Variants in LHFPL5 observed in about 807,000 individuals in gnomAD.
LHFPL5 encodes the protein LHFPL tetraspan subfamily member 5, also known as LHFPL tetraspan subfamily member 5 protein.
In LHFPL5, 12 loss-of-function variants were observed where a neutral mutation model predicts 18.7. The ratio of observed to expected loss-of-function variants is 0.64; its 90% CI spans 0.41 to 1.04. The LOEUF (loss-of-function observed/expected upper bound fraction) is 1.04, where lower values mean the gene tolerates loss of function less well. Among genes scored for constraint, LHFPL5 ranks in the 50% least tolerant of loss-of-function variants. The pLI, the probability that LHFPL5 is intolerant of heterozygous loss-of-function variation, is 0.00. For missense variants in LHFPL5, 259 were observed against 292.1 expected, an observed-to-expected ratio of 0.89 and a Z score of 0.83; for synonymous variants, 111 against 120.2, an observed-to-expected ratio of 0.92 and a Z score of 0.50.
Position 35,808,031 on chromosome 6 carries a change from A to G in LHFPL5, c.412+1949A>G, listed in dbSNP as rs114595894. ...CAAATCTTGCACCCAGGCTACTCAC[A>G]TGGCTTCAGAGTTCCCAGCAAATCC... On this transcript the variant is annotated intron_variant, in intron 1 of 3. Coordinates refer to ENST00000360215, the MANE Select transcript of LHFPL5 (RefSeq NM_182548.4). Among the ~76,000 whole-genome samples the G allele has an allele frequency of 9.9e-3, 1,506 of 152,182 alleles. 13 individuals carry two copies. Among genetic ancestry groups the G allele is most frequent in the African/African-American group, 0.03 (1,247 of 41,520 alleles).
chr6:35,805,874 C>A lies in LHFPL5; in HGVS notation c.204C>A (p.Cys68Ter), dbSNP rs762676826. The change falls in exon 1 of 4, where the codon TGC becomes TGA. Residue 68 changes from cysteine to a stop codon, truncating the protein, a stop_gained. Coordinates refer to ENST00000360215, the MANE Select transcript of LHFPL5 (RefSeq NM_182548.4). LOFTEE classifies it high-confidence loss of function. This position sits in a 1 kb window ranked among gnomAD's most constrained non-coding sequence, Gnocchi z 4.3. ...QAGYFGLFSY[C>*]VGNVLSSELI... is the part of the protein sequence containing the mutation. ...GCTACTTCGGCCTTTTCTCCTACTGCGTGGGTAACGTGCTGTCCTCCGAGC... is the reference window on the plus strand; with the variant it reads ...GCTACTTCGGCCTTTTCTCCTACTGAGTGGGTAACGTGCTGTCCTCCGAGC... The A allele has an allele frequency of 1.9e-6, 3 of 1,614,234 alleles. No homozygotes were observed. Among genetic ancestry groups the A allele is most frequent in the Non-Finnish European group, 1.7e-6 (2 of 1,180,034 alleles).
At chr6:35,815,239 C>G (rs1200009254) in intron 2 of LHFPL5, among the ~76,000 whole-genome samples, 1 of 152,020 alleles carries the variant, frequency 6.6e-6, no homozygotes, top group Non-Finnish European at 1.5e-5. Flanking sequence ...GGTGGGAGCC[C>G]GAGATCCCTG....
chr6:35,808,318 T>A (rs1436459217), intron 1 of LHFPL5, among the ~76,000 whole-genome samples: 1 of 142,244 alleles, frequency 7.0e-6, no homozygotes, highest in Non-Finnish European at 1.5e-5. Context: ...TATATATAAA[T>A]TAAAAATAAT....
intron 2 of LHFPL5, among the ~76,000 whole-genome samples, chr6:35,815,787 G>A (rs1047955921): frequency 6.6e-6 from 1 of 152,186 alleles, no homozygotes; most frequent in Non-Finnish European, 1.5e-5. Context: ...CTCTGGCCAA[G>A]CCCGGGGCCC....
chr6:35,810,826 CAA>C (rs11339201), intron 1 of LHFPL5, among the ~76,000 whole-genome samples: 1,646 of 87,732 alleles, frequency 0.019, 20 homozygotes, highest in African/African-American at 0.051. Context: ...GACTCCGTCT[CAA>C]AAAAAAAAAA....
rs1414674763 is a variant in LHFPL5, at chr6:35,805,639, G to A, written c.-32G>A. The A allele has an allele frequency of 2.5e-6, 4 of 1,613,114 alleles. No individual in the cohort carries two copies. Among genetic ancestry groups the A allele is most frequent in the East Asian group, 2.2e-5 (1 of 44,856 alleles). ...ACAAAGCTACGGACTTGCAGCCCAC[G>A]GGACCCCAGCCCAGGGCCTGCTGCC... On this transcript the variant is annotated 5_prime_UTR_variant, in exon 1 of 4. Transcript: ENST00000360215. The surrounding 1 kb of genome is among the most constrained non-coding windows in gnomAD (Gnocchi z 4.3).
rs746816109 is a variant in LHFPL5 at position 35,814,721 on chromosome 6, C to T, written c.588C>T (p.Ala196=). Residue 196 remains alanine, a synonymous_variant, in exon 2 of 4, where the codon GCC becomes GCT. Coordinates refer to ENST00000360215, the MANE Select transcript of LHFPL5 (RefSeq NM_182548.4). This position sits in a 1 kb window ranked among gnomAD's most constrained non-coding sequence, Gnocchi z 4.2. ...IGDALILSFL[A]FVLGYRQDKL... is the part of the protein sequence containing the mutation. ...ACGCCCTCATCCTCTCCTTCCTGGC[C>T]TTCGTGTTGGGCTACCGGCAGGACA... is the stretch of plus-strand genomic sequence containing the variant. 1.2e-6 allele frequency: 2 copies of T among 1,614,052 alleles called. No individual in the cohort carries two copies. The highest frequency in any genetic ancestry group is 2.7e-5 in the African/African-American group (2 of 74,926).
intron 2 of LHFPL5, among the ~76,000 whole-genome samples, chr6:35,816,903 A>T (rs1768773926): frequency 6.6e-6 from 1 of 152,144 alleles, no homozygotes; most frequent in Non-Finnish European, 1.5e-5. Context: ...AGGGGAAAGA[A>T]TAGTCTTTCC....
At chr6:35,822,180 C>A (rs537939790) in intron 3 of LHFPL5, among the ~76,000 whole-genome samples, 3 of 151,928 alleles carry the variant, frequency 2.0e-5, no homozygotes, top group Non-Finnish European at 4.4e-5. Context: ...TGAGCCACTG[C>A]GCCTGCCTGG....
chr6:35,808,924 G>A (rs1768620278), intron 1 of LHFPL5, among the ~76,000 whole-genome samples: 1 of 152,132 alleles, frequency 6.6e-6, no homozygotes, highest in African/African-American at 2.4e-5. Context: ...GTTAGGGAAG[G>A]CAAGACTGGT....
At chr6:35,819,686 T>A (rs1768830137) in intron 3 of LHFPL5, 1 of 583,058 alleles carries the variant, frequency 1.7e-6, no homozygotes, top group East Asian at 2.9e-5. Context: ...CTGTGTCTTT[T>A]TTTTTTTTGA....
At chr6:35,815,738 C>T (rs546113663) in intron 2 of LHFPL5, among the ~76,000 whole-genome samples, 1 of 152,280 alleles carries the variant, frequency 6.6e-6, no homozygotes, top group South Asian at 2.1e-4. Context: ...CAGAAGTTCC[C>T]AGAAAGGCAG....
intron 3 of LHFPL5, among the ~76,000 whole-genome samples, chr6:35,821,788 T>C (rs533080646): frequency 4.6e-5 from 7 of 151,474 alleles, no homozygotes; most frequent in Admixed American, 1.3e-4. Context: ...GCTCCCTTTT[T>C]TATGTTTTTG....
In LHFPL5 at chr6:35,814,620, G is replaced by A; in HGVS notation, c.487G>A (p.Glu163Lys). 1 of 1,614,180 alleles carries A rather than the reference G, an allele frequency of 6.2e-7. No homozygotes were observed. Among genetic ancestry groups the A allele is most frequent in the African/African-American group, 1.3e-5 (1 of 75,032 alleles). Reference sequence around the variant, plus strand: ...AAGTGAGGTGCGGCGCATGTGTGGGGAGCAGACGGGCAAGTACACGCTGGG... The same window carrying A: ...AAGTGAGGTGCGGCGCATGTGTGGGAAGCAGACGGGCAAGTACACGCTGGG... Reference protein sequence around the residue: ...DSSEVRRMCGEQTGKYTLGHC... With the variant: ...DSSEVRRMCGKQTGKYTLGHC... Residue 163 changes from glutamate to lysine, a missense_variant, in exon 2 of 4, where the codon GAG becomes AAG. Physicochemically the swap from Glu to Lys is moderately conservative, Grantham distance 56 (BLOSUM62 1). Coordinates refer to ENST00000360215, the MANE Select transcript of LHFPL5 (RefSeq NM_182548.4). This position sits in a 1 kb window ranked among gnomAD's most constrained non-coding sequence, Gnocchi z 4.2.
intron 1 of LHFPL5, among the ~76,000 whole-genome samples, chr6:35,809,013 A>C (rs998354742): frequency 6.6e-6 from 1 of 152,178 alleles, no homozygotes; most frequent in Non-Finnish European, 1.5e-5. Context: ...TCCCATATCC[A>C]GCAGCTGGGA....
intron 2 of LHFPL5, among the ~76,000 whole-genome samples, chr6:35,818,341 ATATATATGTATTTT>A (rs1448367339): frequency 0.029 from 378 of 13,100 alleles, 4 homozygotes; most frequent in Non-Finnish European, 0.046. Context: ...ATATATATAT[ATATATATGTATTTT>A]TTTTTTTTTT....
In LHFPL5 at chr6:35,819,739, G is replaced by T. The variant is rs570643106; in HGVS notation, c.*16+276G>T. 9.3e-4 allele frequency: 441 copies of T among 472,918 alleles called. 3 individuals carry two copies. The highest frequency in any genetic ancestry group is 7.8e-3 in the African/African-American group (394 of 50,764). 29.3% of individuals were successfully genotyped at this position (472,918 alleles called of 1,614,324 possible). On this transcript the variant is annotated intron_variant, in intron 3 of 3. Coordinates refer to ENST00000360215, the MANE Select transcript of LHFPL5 (RefSeq NM_182548.4). ...GTTGCCCAAGCTGGAGTGCAATGGT[G>T]CGATCTCGGCTCACTGCAACCTCCA...
chr6:35,820,749 TAAAAA>T (rs879490335), intron 3 of LHFPL5, among the ~76,000 whole-genome samples: 60 of 151,456 alleles, frequency 4.0e-4, no homozygotes, highest in Non-Finnish European at 6.0e-4. Context: ...ATTAAAAAAA[TAAAAA>T]AGAAAAAGAA....
At chr6:35,816,708 A>C (rs984037034) in intron 2 of LHFPL5, among the ~76,000 whole-genome samples, 2 of 149,020 alleles carry the variant, frequency 1.3e-5, no homozygotes, top group African/African-American at 4.9e-5. Context: ...GCTACTTGGG[A>C]GGCTGAGGCA....
Sources: gnomAD v4.1 joint callset for allele counts (sites outside exome capture counted in the v4.1 genomes callset) on GRCh38, gnomAD v4.1.1 for gene constraint, Gnocchi (gnomAD v3.1) non-coding constraint, MANE v1.5 for transcripts, NCBI Gene and HGNC (gene_info 2026-07-23, HGNC 2026-07-21) for gene names.